The following SLC38A4 variants were observed in gnomAD, a reference collection of about 807,000 sequenced individuals.
SLC38A4 encodes the protein solute carrier family 38 member 4, also known as sodium-coupled neutral amino acid transporter 4.
A neutral mutation model predicts 63.1 loss-of-function variants in SLC38A4; 20 were observed. That is an observed-to-expected ratio of 0.32 (90% CI 0.22 to 0.46). SLC38A4 has a LOEUF of 0.46. SLC38A4 is among the 20% of genes least tolerant of loss of function. SLC38A4 has a pLI of 1.00. For synonymous variants in SLC38A4, 230 were observed against 225.5 expected, an observed-to-expected ratio of 1.02 and a Z score of -0.18; for missense variants, 526 against 663.6, an observed-to-expected ratio of 0.79 and a Z score of 2.28.
At chr12:46,826,407 A>C (rs966481324), upstream of SLC38A4, among the ~76,000 whole-genome samples, 4 of 152,192 alleles carry the variant, frequency 2.6e-5, no homozygotes, top group Non-Finnish European at 5.9e-5. Context: ...ATAGAAATGA[A>C]GAATTGCGAT....
At position 46,784,640 on chromosome 12, in the gene SLC38A4, A is replaced by G. The variant is rs1392126936; in HGVS notation, c.401-6T>C. ...TTTTTCATAAATCAAAGACCCTACA[A>G]TCAAAGATAAAATAGCCTTGTTAAA... On this transcript the variant is annotated splice_polypyrimidine_tract_variant and splice_region_variant and intron_variant, in intron 6 of 16. Transcript: ENST00000266579. The G allele has an allele frequency of 4.4e-6, 7 of 1,604,890 alleles. No individual in the cohort carries two copies. The highest frequency in any genetic ancestry group is 5.1e-6 in the Non-Finnish European group (6 of 1,173,986).
At chr12:46,819,471 A>G (rs1175727440) in intron 1 of SLC38A4, among the ~76,000 whole-genome samples, 3 of 151,970 alleles carry the variant, frequency 2.0e-5, no homozygotes, top group Non-Finnish European at 4.4e-5. Flanking sequence ...ATACCAATTA[A>G]AAATTAAAAT....
chr12:46,774,871 T>C lies in SLC38A4; in HGVS notation c.1299+178A>G, dbSNP rs140096484. On this transcript the variant is annotated intron_variant, in intron 14 of 16. Coordinates refer to ENST00000266579, the MANE Select transcript of SLC38A4 (RefSeq NM_018018.5). ...TATAAAAATACCACCTGAAACTACT[T>C]GCTCTATCTACACATTAAATGGCCA... 4.8e-3 allele frequency among the ~76,000 whole-genome samples: 723 copies of C among 151,544 alleles called. 8 individuals are homozygous for C. The highest frequency in any genetic ancestry group is 0.016 in the African/African-American group (674 of 41,316).
At chr12:46,821,358 A>C (rs183763232) in intron 1 of SLC38A4, among the ~76,000 whole-genome samples, 2 of 152,232 alleles carry the variant, frequency 1.3e-5, no homozygotes, top group African/African-American at 4.8e-5. Context: ...ATAAAGGTCC[A>C]ATTTCATTCT....
chr12:46,777,046 C>CAA lies in SLC38A4; in HGVS notation c.1074-44_1074-43dup, dbSNP rs199854256. On this transcript the variant is annotated intron_variant, in intron 12 of 16. Coordinates refer to ENST00000266579, the MANE Select transcript of SLC38A4 (RefSeq NM_018018.5). Reference sequence around the variant, plus strand: ...CACCAAGCTTTGTTTTTTAAACTTACAAAAAAAAATCACTTTTCAAAATGA... The same window carrying CAA: ...CACCAAGCTTTGTTTTTTAAACTTACAAAAAAAAAAATCACTTTTCAAAATGA... 5.5e-6 allele frequency: 8 copies of CAA among 1,464,918 alleles called. No individual in the cohort carries two copies. The African/African-American group carries it at 7.3e-5, about 13-fold the overall frequency. The allele number at this position is 1,464,918 out of a possible 1,614,324, so 90.7% of individuals were successfully genotyped here. A position where few individuals can be genotyped will look rare whatever the true frequency, so the allele number is the denominator to read the frequency against.
chr12:46,811,035 G>A (rs749005560), intron 1 of SLC38A4, among the ~76,000 whole-genome samples: 1 of 151,950 alleles, frequency 6.6e-6, no homozygotes, highest in Non-Finnish European at 1.5e-5. Context: ...ATATTGTTGA[G>A]AAAAATGGGC....
At chr12:46,807,892 C>G (rs889352661) in intron 1 of SLC38A4, among the ~76,000 whole-genome samples, 3 of 128,830 alleles carry the variant, frequency 2.3e-5, no homozygotes, top group African/African-American at 8.5e-5. Context: ...AAATGTTACC[C>G]CCCCCCCCAA....
chr12:46,812,374 T>A (rs1486380801), intron 1 of SLC38A4, among the ~76,000 whole-genome samples: 2 of 152,092 alleles, frequency 1.3e-5, no homozygotes, highest in African/African-American at 4.8e-5. Context: ...CTTGAAACTG[T>A]CTGTTCATCC....
At chr12:46,768,840 C>A (rs1349491162) in intron 15 of SLC38A4, among the ~76,000 whole-genome samples, 1 of 152,024 alleles carries the variant, frequency 6.6e-6, no homozygotes, top group East Asian at 1.9e-4. Context: ...ATAGACCATG[C>A]AGTTATGGGG....
intron 1 of SLC38A4, among the ~76,000 whole-genome samples, chr12:46,816,727 G>A (rs1052515445): frequency 6.6e-6 from 1 of 151,788 alleles, no homozygotes; most frequent in African/African-American, 2.4e-5. Context: ...GAATAAAGGA[G>A]TAATAAAAAA....
rs1305789597 is a variant in SLC38A4, at chr12:46,765,061, A to G, written c.*1640T>C. The G allele has an allele frequency of 6.6e-6, 1 of 152,608 alleles. No homozygotes were observed. Among genetic ancestry groups the G allele is most frequent in the Non-Finnish European group, 1.5e-5 (1 of 68,028 alleles). 9.5% of individuals were successfully genotyped at this position (152,608 alleles called of 1,614,324 possible). On this transcript the variant is annotated 3_prime_UTR_variant, in exon 17 of 17. Coordinates refer to ENST00000266579, the MANE Select transcript of SLC38A4 (RefSeq NM_018018.5). ...TTTATTTTTGTATACTTTTTAGATG[A>G]GTGAAAATGTAAATATATCCTAAAG... is the stretch of plus-strand genomic sequence containing the variant.
At chr12:46,799,488 G>T (rs1217731825) in intron 2 of SLC38A4, among the ~76,000 whole-genome samples, 1 of 152,016 alleles carries the variant, frequency 6.6e-6, no homozygotes, top group Non-Finnish European at 1.5e-5. Flanking sequence ...TGTAGTCCCA[G>T]TTAATCTCCT....
chr12:46,770,545 G>T lies in SLC38A4; in HGVS notation c.1300-1117C>A, dbSNP rs530475715. Among the ~76,000 whole-genome samples, 24 of 152,176 alleles carry T rather than the reference G, an allele frequency of 1.6e-4. No homozygotes were observed. The South Asian group carries it at 5.0e-3, about 32-fold the overall frequency. ...CCTTCAGGATCCTTGACAGATTTCA[G>T]CCCTATTTTAGCAGCTGAAATAAGT... On this transcript the variant is annotated intron_variant, in intron 14 of 16. Transcript: ENST00000266579.
chr12:46,781,875 T>A (rs1938649520), intron 7 of SLC38A4, among the ~76,000 whole-genome samples: 1 of 152,028 alleles, frequency 6.6e-6, no homozygotes, highest in Non-Finnish European at 1.5e-5. Context: ...ATTTCAGTTG[T>A]TAAATTAGAC....
At chr12:46,797,212 T>G (rs191390525) in intron 2 of SLC38A4, among the ~76,000 whole-genome samples, 1 of 152,128 alleles carries the variant, frequency 6.6e-6, no homozygotes, top group Non-Finnish European at 1.5e-5. Context: ...GATGGGAAGA[T>G]AGCAAGTAAA....
intron 1 of SLC38A4, among the ~76,000 whole-genome samples, chr12:46,822,404 C>G (rs1939568036): frequency 6.6e-6 from 1 of 152,100 alleles, no homozygotes; most frequent in Non-Finnish European, 1.5e-5. Flanking sequence ...AGTTGATAGG[C>G]ATAAAGGGAC....
intron 12 of SLC38A4, 77 bp from the exon 13 acceptor site, chr12:46,777,081 TA>T (rs1199151709): frequency 1.7e-6 from 2 of 1,143,804 alleles, no homozygotes; most frequent in East Asian, 2.6e-5. Context: ...AAAATAATAA[TA>T]AAAAAGTATA....
At chr12:46,771,189 A>T (rs1418720722) in intron 14 of SLC38A4, among the ~76,000 whole-genome samples, 1 of 152,154 alleles carries the variant, frequency 6.6e-6, no homozygotes, top group Admixed American at 6.6e-5. Context: ...AGCAGCCTAT[A>T]ATTCTACATT....
chr12:46,768,423 C>T lies in SLC38A4; in HGVS notation c.1445-16G>A, dbSNP rs777084811. 9 of 1,597,176 alleles carry T rather than the reference C, an allele frequency of 5.6e-6. No individual in the cohort carries two copies. The highest frequency in any genetic ancestry group is 3.4e-6 in the Non-Finnish European group (4 of 1,168,428). ...GAAGAAGCCCCTGAGAAGACAAACA[C>T]AGGGCAAGGTCAATGTCTTACCCAG... On this transcript the variant is annotated splice_polypyrimidine_tract_variant and intron_variant, in intron 15 of 16. Transcript: ENST00000266579.
Sources: allele counts gnomAD v4.1 joint callset (sites outside exome capture counted in the v4.1 genomes callset), GRCh38; gene constraint gnomAD v4.1.1; transcripts MANE v1.5; gene names NCBI Gene and HGNC (gene_info 2026-07-23, HGNC 2026-07-21).